NPAS3: variants seen among roughly 807,000 people sequenced by gnomAD.
NPAS3 encodes the protein neuronal PAS domain protein 3.
A neutral mutation model predicts 73.1 loss-of-function variants in NPAS3; 14 were observed. That is an observed-to-expected ratio of 0.19 (90% CI 0.13 to 0.30). NPAS3 has a LOEUF of 0.30. Ranked by LOEUF, NPAS3 falls within the 10% of genes least tolerant of loss-of-function variation. The pLI is 1.00. For synonymous variants in NPAS3, 620 were observed against 541.5 expected (o/e 1.14, Z -2.01); for missense variants, 1,096 against 1,250.0 (o/e 0.88, Z 1.86).
intron 2 of NPAS3, among the ~76,000 whole-genome samples, chr14:33,195,231 TA>T (rs1052019627): frequency 1.1e-3 from 155 of 143,700 alleles, no homozygotes; most frequent in Middle Eastern, 3.6e-3. Flanking sequence ...ACCCACTAGC[TA>T]AAAAAAAAAA....
chr14:32,948,775 C>T (rs1322814909), intron 1 of NPAS3, among the ~76,000 whole-genome samples: 2 of 152,076 alleles, frequency 1.3e-5, no homozygotes, highest in Admixed American at 6.6e-5. Flanking sequence ...CTCCTACCAG[C>T]CCCTCTCCAT....
intron 5 of NPAS3, among the ~76,000 whole-genome samples, chr14:33,610,296 A>G (rs887252891): frequency 1.3e-5 from 2 of 152,204 alleles, no homozygotes; most frequent in South Asian, 2.1e-4. Context: ...TCTTTTGAGT[A>G]TAGAATCAGG....
At chr14:33,631,238 T>C (rs1022993456) in intron 5 of NPAS3, among the ~76,000 whole-genome samples, 1 of 152,226 alleles carries the variant, frequency 6.6e-6, no homozygotes, top group Non-Finnish European at 1.5e-5. Flanking sequence ...TGTGATAGTA[T>C]CTCATTGTAG....
intron 5 of NPAS3, among the ~76,000 whole-genome samples, chr14:33,660,692 G>T (rs1409536683): frequency 6.6e-6 from 1 of 152,156 alleles, no homozygotes; most frequent in East Asian, 1.9e-4. Flanking sequence ...TACACTGATG[G>T]TTAATAGTAA....
At chr14:33,215,454 A>G (rs1009255838) in intron 3 of NPAS3, 28 bp downstream of exon 3, 1 of 1,612,806 alleles carries the variant, frequency 6.2e-7, no homozygotes, top group African/African-American at 1.3e-5. Context: ...GTTCAGTCTG[A>G]ATATGATGGT....
At chr14:33,703,815 A>C (rs1472341394) in intron 6 of NPAS3, among the ~76,000 whole-genome samples, 1 of 152,126 alleles carries the variant, frequency 6.6e-6, no homozygotes, top group Non-Finnish European at 1.5e-5. Flanking sequence ...GTGAGTAAAA[A>C]ATCTCAAAAA....
intron 1 of NPAS3, among the ~76,000 whole-genome samples, chr14:33,039,662 C>T (rs544758352): frequency 6.6e-6 from 1 of 152,232 alleles, no homozygotes; most frequent in Non-Finnish European, 1.5e-5. Flanking sequence ...TGATTCTCAG[C>T]TTCTGTCTAA....
At chr14:32,961,310 G>A (rs1469024367) in intron 1 of NPAS3, among the ~76,000 whole-genome samples, 2 of 151,628 alleles carry the variant, frequency 1.3e-5, no homozygotes, top group African/African-American at 2.4e-5. Context: ...TGTTCGAAAG[G>A]CTGAGGCAGG....
At chr14:33,378,688 T>G (rs968652649) in intron 4 of NPAS3, among the ~76,000 whole-genome samples, 3 of 152,164 alleles carry the variant, frequency 2.0e-5, no homozygotes, top group Non-Finnish European at 4.4e-5. Flanking sequence ...GGAAGTCCCC[T>G]GAGGGTCTTC....
intron 2 of NPAS3, among the ~76,000 whole-genome samples, chr14:33,184,543 A>G (rs1013048470): frequency 6.6e-6 from 1 of 152,208 alleles, no homozygotes; most frequent in Non-Finnish European, 1.5e-5. Context: ...CTCTGATTAC[A>G]GTGAAGAGAA....
intron 3 of NPAS3, among the ~76,000 whole-genome samples, chr14:33,246,968 C>T (rs1156610894): frequency 6.6e-6 from 1 of 151,044 alleles, no homozygotes; most frequent in Admixed American, 6.6e-5. Flanking sequence ...AAGCCAAGAC[C>T]ATGTTATTGC....
chr14:33,109,073 A>T (rs930298368), intron 2 of NPAS3, among the ~76,000 whole-genome samples: 1 of 152,196 alleles, frequency 6.6e-6, no homozygotes, highest in Non-Finnish European at 1.5e-5. Flanking sequence ...TAGTAATAAT[A>T]AAGAAACACG....
intron 6 of NPAS3, among the ~76,000 whole-genome samples, chr14:33,676,940 T>C (rs1032717926): frequency 5.3e-5 from 8 of 152,196 alleles, no homozygotes; most frequent in African/African-American, 1.7e-4. Context: ...ATCAATTGTA[T>C]AGAGGAATGA....
At chr14:33,517,763 C>T (rs2053369767) in intron 4 of NPAS3, among the ~76,000 whole-genome samples, 1 of 152,056 alleles carries the variant, frequency 6.6e-6, no homozygotes, top group African/African-American at 2.4e-5. Flanking sequence ...ACATATTTGC[C>T]CATCTAGTTC....
At chr14:33,786,038 G>A (rs7153468) in intron 9 of NPAS3, among the ~76,000 whole-genome samples, 4,823 of 152,232 alleles carry the variant, frequency 0.032, 232 homozygotes, top group African/African-American at 0.11. Flanking sequence ...TCATAGTCCC[G>A]TGTGTCGAGT....
At chr14:33,353,605 T>A (rs2045185848) in intron 3 of NPAS3, among the ~76,000 whole-genome samples, 1 of 152,160 alleles carries the variant, frequency 6.6e-6, no homozygotes, top group South Asian at 2.1e-4. Flanking sequence ...CAAAGTGGGG[T>A]CTTGCATTTT....
chr14:32,959,523 A>G (rs2036820013), intron 1 of NPAS3, among the ~76,000 whole-genome samples: 1 of 152,108 alleles, frequency 6.6e-6, no homozygotes, highest in Non-Finnish European at 1.5e-5. Flanking sequence ...ATATACTTTG[A>G]TTTTATTTTA....
intron 5 of NPAS3, among the ~76,000 whole-genome samples, chr14:33,674,234 AT>A (rs139766421): frequency 0.028 from 4,326 of 152,294 alleles, 60 homozygotes; most frequent in Non-Finnish European, 0.04. Flanking sequence ...CCCTAAAAAA[AT>A]CTATTTTATC....
At chr14:33,714,208 C>T (rs576670221) in intron 6 of NPAS3, among the ~76,000 whole-genome samples, 1 of 151,878 alleles carries the variant, frequency 6.6e-6, no homozygotes, top group Non-Finnish European at 1.5e-5. Flanking sequence ...ATATTTAATC[C>T]TCTGTCTTAT....
Sources: gnomAD v4.1 joint callset for allele counts (sites outside exome capture counted in the v4.1 genomes callset) on GRCh38, gnomAD v4.1.1 for gene constraint, MANE v1.5 for transcripts, NCBI Gene and HGNC (gene_info 2026-07-23, HGNC 2026-07-21) for gene names.